The following VRK2 variants were observed in gnomAD, a reference collection of about 807,000 sequenced individuals.
VRK2 encodes serine/threonine-protein kinase VRK2.
VRK2 carries 60 observed loss-of-function variants against 57.6 expected under a neutral mutation model. The ratio of observed to expected loss-of-function variants is 1.04; its 90% CI spans 0.85 to 1.29. VRK2 has a LOEUF of 1.29. Among genes scored for constraint, VRK2 ranks in the 50% most tolerant of loss-of-function variants. The probability of loss-of-function intolerance (pLI) is 0.00; values close to 1 mark genes in which losing one functional copy is unlikely to be tolerated. For synonymous variants in VRK2, 231 were observed against 199.2 expected (o/e 1.16, Z -1.35); for missense variants, 705 against 588.1 (o/e 1.20, Z -2.06).
intron 1 of VRK2, among the ~76,000 whole-genome samples, chr2:57,937,300 C>T (rs2678890): frequency 0.65 from 99,049 of 151,768 alleles, 32,679 homozygotes; most frequent in African/African-American, 0.77. Flanking sequence ...ATACTAAGCA[C>T]CCCTCATGCT....
chr2:57,968,709 A>C (rs923369287), intron 1 of VRK2, among the ~76,000 whole-genome samples: 19 of 152,136 alleles, frequency 1.2e-4, no homozygotes, highest in South Asian at 4.1e-4. Flanking sequence ...ATCAAAACTA[A>C]AAACTGAATA....
intron 5 of VRK2, among the ~76,000 whole-genome samples, 191 bp from the exon 6 acceptor site, chr2:58,088,150 T>A (rs1671894255): frequency 6.6e-6 from 1 of 152,218 alleles, no homozygotes; most frequent in Non-Finnish European, 1.5e-5. Flanking sequence ...GAAAATCAGC[T>A]GCAAAGTAAA....
intron 1 of VRK2, among the ~76,000 whole-genome samples, chr2:58,011,092 C>A (rs994570317): frequency 6.6e-6 from 1 of 152,110 alleles, no homozygotes; most frequent in African/African-American, 2.4e-5. Flanking sequence ...GAACTTTCCC[C>A]AATGTATGAC....
chr2:57,926,128 CT>C (rs925609225), intron 1 of VRK2, among the ~76,000 whole-genome samples: 2 of 151,624 alleles, frequency 1.3e-5, no homozygotes, highest in African/African-American at 4.8e-5. Flanking sequence ...TTTTTTAAGA[CT>C]TTTTTGTGAG....
At chr2:58,120,252 A>T (rs1384049429) in intron 7 of VRK2, among the ~76,000 whole-genome samples, 2 of 129,664 alleles carry the variant, frequency 1.5e-5, no homozygotes, top group African/African-American at 6.0e-5. Flanking sequence ...GTGCAGTGGC[A>T]CAATCTTCGG....
At position 58,159,714 on chromosome 2, in the gene VRK2, T is replaced by C. The variant is rs762965800; in HGVS notation, c.*21T>C. 4 of 1,612,098 alleles carry C rather than the reference T, an allele frequency of 2.5e-6. No individual in the cohort carries two copies. The highest frequency in any genetic ancestry group is 2.7e-5 in the African/African-American group (2 of 74,844). Reference sequence around the variant, plus strand: ...TCTGAAGATGATACCAAAATTCCTTTTGATAATTTTTTAAGTTTCCAGCTC... The same window carrying C: ...TCTGAAGATGATACCAAAATTCCTTCTGATAATTTTTTAAGTTTCCAGCTC... On this transcript the variant is annotated 3_prime_UTR_variant, in exon 13 of 13. Transcript: ENST00000340157.
intron 1 of VRK2, among the ~76,000 whole-genome samples, chr2:58,017,189 G>A (rs920150465): frequency 6.6e-6 from 1 of 152,140 alleles, no homozygotes; most frequent in Admixed American, 6.5e-5. Flanking sequence ...AGTAAGCTGA[G>A]CACCTGTCCC....
chr2:58,153,830 G>T (rs1486734549), intron 12 of VRK2, among the ~76,000 whole-genome samples: 1 of 151,984 alleles, frequency 6.6e-6, no homozygotes, highest in Non-Finnish European at 1.5e-5. Context: ...GAAACCATCT[G>T]GGTCTGGAGA....
intron 1 of VRK2, among the ~76,000 whole-genome samples, chr2:57,937,815 T>C (rs1189522365): frequency 6.7e-6 from 1 of 149,094 alleles, no homozygotes; most frequent in African/African-American, 2.5e-5. Flanking sequence ...TCAGCTATTA[T>C]TGTTTATCTT....
chr2:58,155,921 GTTT>G (rs5831489), intron 12 of VRK2, among the ~76,000 whole-genome samples: 1 of 138,536 alleles, frequency 7.2e-6, no homozygotes, highest in African/African-American at 3.1e-5. Context: ...TTTCATGTTT[GTTT>G]TTTTTTTTTT....
intron 1 of VRK2, among the ~76,000 whole-genome samples, chr2:57,960,078 G>A (rs906311660): frequency 6.0e-5 from 9 of 149,518 alleles, no homozygotes; most frequent in African/African-American, 1.7e-4. Flanking sequence ...GGTGTGTGAC[G>A]GGGGCTGGGG....
At chr2:58,062,565 G>A (rs1267743664) in intron 2 of VRK2, among the ~76,000 whole-genome samples, 1 of 152,018 alleles carries the variant, frequency 6.6e-6, no homozygotes, top group Admixed American at 6.6e-5. Context: ...AAGTGCTAAA[G>A]TGAAGCAGCC....
Position 58,146,475 on chromosome 2 carries a change from G to GT in VRK2, c.1182+2dup. The GT allele has an allele frequency of 6.2e-7, 1 of 1,606,426 alleles. No homozygotes were observed. The highest frequency in any genetic ancestry group is 8.5e-7 in the Non-Finnish European group (1 of 1,176,104). The stretch of plus-strand genomic sequence containing the variant: ...ATTGATGAACAATGAAGCAGCTCAG[G>GT]TGAGAGGGTTGTTTGTGTGTGTTTT... On this transcript the variant is annotated splice_donor_variant, in intron 12 of 12. Coordinates refer to ENST00000340157, the MANE Select transcript of VRK2 (RefSeq NM_006296.7). LOFTEE classifies it high-confidence loss of function.
At chr2:57,909,481 T>G (rs1463575788) in intron 1 of VRK2, among the ~76,000 whole-genome samples, 1 of 152,040 alleles carries the variant, frequency 6.6e-6, no homozygotes, top group East Asian at 1.9e-4. Flanking sequence ...TGTGTGTTTT[T>G]TTTTTAGTTC....
In VRK2 at chr2:58,135,232, C is replaced by T. The variant is rs370240741; in HGVS notation, c.856+33C>T. On this transcript the variant is annotated intron_variant, in intron 10 of 12. Coordinates refer to ENST00000340157, the MANE Select transcript of VRK2 (RefSeq NM_006296.7). ...AAATAATAACTTCAACCTTCTCTTACGATTTACAGGTTGCCACATTTGTCG... is the reference window on the plus strand; with the variant it reads ...AAATAATAACTTCAACCTTCTCTTATGATTTACAGGTTGCCACATTTGTCG... The T allele has an allele frequency of 5.0e-6, 8 of 1,611,854 alleles. No homozygotes were observed. The Admixed American group carries it at 6.7e-5, about 13-fold the overall frequency.
At chr2:58,123,473 C>T (rs1390050299) in intron 8 of VRK2, among the ~76,000 whole-genome samples, 4 of 152,156 alleles carry the variant, frequency 2.6e-5, no homozygotes, top group African/African-American at 7.2e-5. Flanking sequence ...GCAAAACTTG[C>T]TGCTCATTTT....
At chr2:58,056,531 C>A (rs1320261871) in intron 2 of VRK2, among the ~76,000 whole-genome samples, 1 of 152,162 alleles carries the variant, frequency 6.6e-6, no homozygotes, top group Non-Finnish European at 1.5e-5. Flanking sequence ...GAATTCTCAG[C>A]TTTGGCTCAT....
At chr2:58,011,703 A>G (rs147744235) in intron 1 of VRK2, among the ~76,000 whole-genome samples, 62 of 152,200 alleles carry the variant, frequency 4.1e-4, no homozygotes, top group African/African-American at 1.1e-3. Flanking sequence ...TATTTTGCAA[A>G]CACCAAGGTT....
chr2:58,134,559 C>T (rs1031283343), intron 9 of VRK2, among the ~76,000 whole-genome samples: 2 of 143,854 alleles, frequency 1.4e-5, no homozygotes, highest in African/African-American at 2.7e-5. Context: ...TGCAGTGAGC[C>T]GAGATTGCGC....
Sources: gnomAD v4.1 joint callset for allele counts (sites outside exome capture counted in the v4.1 genomes callset) on GRCh38, gnomAD v4.1.1 for gene constraint, MANE v1.5 for transcripts, NCBI Gene and HGNC (gene_info 2026-07-23, HGNC 2026-07-21) for gene names.